The following AGL variants were observed in gnomAD, a reference collection of about 807,000 sequenced individuals.
AGL encodes amylo-alpha-1,6-glucosidase and 4-alpha-glucanotransferase.
In AGL, 128 loss-of-function variants were observed where a neutral mutation model predicts 199.3. That is an observed-to-expected ratio of 0.64 (90% CI 0.56 to 0.74). AGL has a LOEUF of 0.74. Ranked by LOEUF, AGL falls within the 30% of genes least tolerant of loss-of-function variation. The probability of loss-of-function intolerance (pLI) is 0.00; values close to 1 mark genes in which losing one functional copy is unlikely to be tolerated. For missense variants in AGL, 1,809 were observed against 1,820.8 expected (o/e 0.99, Z 0.12); for synonymous variants, 584 against 594.7 (o/e 0.98, Z 0.26).
Position 99,891,233 on chromosome 1 carries a change from A to G in AGL, c.2826A>G (p.Val942=), listed in dbSNP as rs561875841. 3.1e-6 allele frequency: 5 copies of G among 1,613,638 alleles called. No homozygotes were observed. In the Middle Eastern group the frequency reaches 5.0e-4, roughly 160 times the overall value. Reference sequence around the variant, plus strand: ...CTGAATTTTCAGGTTTAATGTCTGTATTGGCAGAAATAAGACCAAAGAATG... The same window carrying G: ...CTGAATTTTCAGGTTTAATGTCTGTGTTGGCAGAAATAAGACCAAAGAATG... ...KYAGLQGLMS[V]LAEIRPKNDL... The change falls in exon 22 of 34, where the codon GTA becomes GTG. Residue 942 remains valine (V), a synonymous_variant. Coordinates refer to ENST00000361915, the MANE Select transcript of AGL (RefSeq NM_000642.3).
chr1:99,888,641 C>T (rs1386818685), intron 21 of AGL, among the ~76,000 whole-genome samples: 1 of 152,002 alleles, frequency 6.6e-6, no homozygotes, highest in Non-Finnish European at 1.5e-5. Flanking sequence ...TACAGTAAAA[C>T]ATACAGTAGT....
chr1:99,896,559 A>G (rs902989149), intron 25 of AGL, among the ~76,000 whole-genome samples, 171 bp downstream of exon 25: 1 of 152,170 alleles, frequency 6.6e-6, no homozygotes, highest in African/African-American at 2.4e-5. Context: ...TAAAATTTCA[A>G]AGGGGTGAAA....
chr1:99,851,207 C>A, intron 2 of AGL, 83 bp downstream of exon 2: 2 of 1,298,858 alleles, frequency 1.5e-6, no homozygotes, highest in Non-Finnish European at 2.2e-6. Flanking sequence ...TGTTTTAAAG[C>A]TCTAAGATAA....
chr1:99,859,359 T>C (rs1264768881), intron 2 of AGL, among the ~76,000 whole-genome samples: 1 of 151,848 alleles, frequency 6.6e-6, no homozygotes, highest in Non-Finnish European at 1.5e-5. Flanking sequence ...TCTGTGTTTT[T>C]TTTTTAATTA....
chr1:99,878,900 G>A (rs1651786428), intron 12 of AGL, among the ~76,000 whole-genome samples: 1 of 152,048 alleles, frequency 6.6e-6, no homozygotes, highest in Non-Finnish European at 1.5e-5. Flanking sequence ...ATTGTTACAT[G>A]GCAGAAAAGA....
In AGL at chr1:99,891,204, G is replaced by T. The variant is rs1158900061; in HGVS notation, c.2813-16G>T. On this transcript the variant is annotated splice_polypyrimidine_tract_variant and intron_variant, in intron 21 of 33. Transcript: ENST00000361915. ...TGCTACCAATAATACAGCATGACAT[G>T]TCTCTGAATTTTCAGGTTTAATGTC... 6.2e-7 allele frequency: 1 copy of T among 1,613,196 alleles called. No individual in the cohort carries two copies. Among genetic ancestry groups the T allele is most frequent in the Non-Finnish European group, 8.5e-7 (1 of 1,179,504 alleles).
At chr1:99,890,648 A>ATATAT (rs979902695) in intron 21 of AGL, among the ~76,000 whole-genome samples, 8 of 119,234 alleles carry the variant, frequency 6.7e-5, no homozygotes, top group African/African-American at 1.5e-4. Flanking sequence ...TAAGAAAAAA[A>ATATAT]AAATATATAT....
chr1:99,905,913 G>A (rs955956829), intron 27 of AGL, among the ~76,000 whole-genome samples: 1 of 151,960 alleles, frequency 6.6e-6, no homozygotes, highest in Non-Finnish European at 1.5e-5. Flanking sequence ...TATAATTGGA[G>A]TGCTGTTTTT....
At position 99,876,322 on chromosome 1, in the gene AGL, GT is replaced by G. The variant is rs1262006420; in HGVS notation, c.1284-129del. On this transcript the variant is annotated intron_variant, in intron 10 of 33. Coordinates refer to ENST00000361915, the MANE Select transcript of AGL (RefSeq NM_000642.3). The stretch of plus-strand genomic sequence containing the variant: ...ATGAAGATTTTTGACCTATATTGAA[GT>G]TTTTTTCCTATAAATAGCATCAAAC... 5 of 711,030 alleles carry G rather than the reference GT, an allele frequency of 7.0e-6. No individual in the cohort carries two copies. The East Asian group carries it at 8.3e-5, about 12-fold the overall frequency. 44.0% of individuals were successfully genotyped at this position (711,030 alleles called of 1,614,324 possible). A position where few individuals can be genotyped will look rare whatever the true frequency, so the allele number is the denominator to read the frequency against.
At chr1:99,852,361 T>C (rs1649029543) in intron 2 of AGL, among the ~76,000 whole-genome samples, 2 of 149,628 alleles carry the variant, frequency 1.3e-5, no homozygotes, top group South Asian at 4.2e-4. Flanking sequence ...CTTTTTTTTT[T>C]TTTTTTTTTT....
chr1:99,880,642 T>C lies in AGL; in HGVS notation c.1746T>C (p.Ser582=), dbSNP rs775280047. Residue 582 remains serine, a synonymous_variant, in exon 14 of 34, where the codon AGT becomes AGC. Coordinates refer to ENST00000361915, the MANE Select transcript of AGL (RefSeq NM_000642.3). The stretch of plus-strand genomic sequence containing the variant: ...TGTAATGCTCTGCAGAGGCAATGAG[T>C]GCATATAATAGTCATGAAGAGGGCA... ...GISSLIREAM[S]AYNSHEEGRL... The C allele has an allele frequency of 1.2e-6, 2 of 1,613,944 alleles. No individual in the cohort carries two copies. The highest frequency in any genetic ancestry group is 2.2e-5 in the South Asian group (2 of 91,080).
chr1:99,891,270 C>T lies in AGL; in HGVS notation c.2863C>T (p.Pro955Ser). ...EIRPKNDLGH[P>S]FCNNLRSGDW... Reference sequence around the variant, plus strand: ...AAGACCAAAGAATGACTTGGGGCATCCTTTTTGTAATAATTTGAGATCTGG... The same window carrying T: ...AAGACCAAAGAATGACTTGGGGCATTCTTTTTGTAATAATTTGAGATCTGG... The change falls in exon 22 of 34, where the codon CCT (proline) becomes TCT (serine). Residue 955 changes from proline to serine, a missense_variant. Transcript: ENST00000361915. 6.2e-7 allele frequency: 1 copy of T among 1,613,558 alleles called. No individual in the cohort carries two copies. The highest frequency in any genetic ancestry group is 8.5e-7 in the Non-Finnish European group (1 of 1,179,666).
chr1:99,869,848 T>G (rs536540958), intron 5 of AGL, among the ~76,000 whole-genome samples: 1 of 152,184 alleles, frequency 6.6e-6, no homozygotes, highest in Non-Finnish European at 1.5e-5. Context: ...TAGGTAGATA[T>G]AAGGTTTCAC....
chr1:99,887,444 T>G (rs1418448229), intron 20 of AGL, among the ~76,000 whole-genome samples: 2 of 152,134 alleles, frequency 1.3e-5, no homozygotes, highest in East Asian at 1.9e-4. Flanking sequence ...AGGAAGGGAC[T>G]TGGAGAGAAA....
intron 2 of AGL, among the ~76,000 whole-genome samples, chr1:99,853,244 A>G (rs79792229): frequency 3.6e-4 from 55 of 152,322 alleles, no homozygotes; most frequent in African/African-American, 1.2e-3. Context: ...CACCTTCCTT[A>G]GCCAAGATTG....
intron 7 of AGL, among the ~76,000 whole-genome samples, chr1:99,872,763 G>A (rs1449646589): frequency 2.0e-5 from 3 of 152,098 alleles, no homozygotes; most frequent in Non-Finnish European, 2.9e-5. Flanking sequence ...TCTTGACCTC[G>A]TGATCTGCCT....
At chr1:99,854,624 C>T (rs972159553) in intron 2 of AGL, among the ~76,000 whole-genome samples, 2 of 151,796 alleles carry the variant, frequency 1.3e-5, no homozygotes, top group African/African-American at 4.8e-5. Flanking sequence ...ATTAGCCGGG[C>T]CTGGTGGCGG....
chr1:99,863,136 C>T (rs909558922), intron 4 of AGL, among the ~76,000 whole-genome samples: 4 of 151,776 alleles, frequency 2.6e-5, no homozygotes, highest in African/African-American at 9.7e-5. Context: ...GACGGGGTTT[C>T]ACCATGTTGG....
intron 27 of AGL, among the ~76,000 whole-genome samples, chr1:99,903,284 C>A (rs970144586): frequency 6.6e-6 from 1 of 152,140 alleles, no homozygotes; most frequent in East Asian, 1.9e-4. Context: ...ATCCCTCCCC[C>A]ATCCCCCCAC....
Sources: allele counts gnomAD v4.1 joint callset (sites outside exome capture counted in the v4.1 genomes callset), GRCh38; gene constraint gnomAD v4.1.1; transcripts MANE v1.5; gene names NCBI Gene and HGNC (gene_info 2026-07-23, HGNC 2026-07-21).